The following PLEKHM3 variants were observed in gnomAD, a reference collection of about 807,000 sequenced individuals.
The protein encoded by PLEKHM3 is pleckstrin homology domain-containing family M member 3.
Under a neutral mutation model 81.8 loss-of-function variants are expected in PLEKHM3, and 45 were observed. The ratio of observed to expected loss-of-function variants is 0.55; its 90% CI spans 0.43 to 0.71. The LOEUF is 0.71. Ranked by LOEUF, PLEKHM3 falls within the 30% of genes least tolerant of loss-of-function variation. The pLI is 0.00. For missense variants in PLEKHM3, 788 were observed against 924.3 expected (o/e 0.85, Z 1.91); for synonymous variants, 352 against 356.4 (o/e 0.99, Z 0.14).
chr2:207,834,211 T>A (rs2092304690), intron 7 of PLEKHM3, among the ~76,000 whole-genome samples: 2 of 149,602 alleles, frequency 1.3e-5, no homozygotes, highest in African/African-American at 4.9e-5. Flanking sequence ...CTCACCACAA[T>A]CTCCACCTCC....
At chr2:207,874,854 T>A (rs1175039986) in intron 6 of PLEKHM3, among the ~76,000 whole-genome samples, 1 of 152,084 alleles carries the variant, frequency 6.6e-6, no homozygotes, top group East Asian at 2.0e-4. Flanking sequence ...CCTCCCAAAG[T>A]GATGAGATTA....
chr2:207,910,845 G>A (rs1005637188), intron 5 of PLEKHM3, among the ~76,000 whole-genome samples: 11 of 152,072 alleles, frequency 7.2e-5, no homozygotes, highest in Admixed American at 2.6e-4. Flanking sequence ...GCAGACAAGC[G>A]GACAGTGAAA....
chr2:207,987,586 G>A (rs1293638321), intron 2 of PLEKHM3, among the ~76,000 whole-genome samples: 1 of 152,208 alleles, frequency 6.6e-6, no homozygotes, highest in Non-Finnish European at 1.5e-5. Context: ...GTAATAATAT[G>A]AGTTATGCAT....
At chr2:207,921,169 C>A (rs1401035907) in intron 5 of PLEKHM3, among the ~76,000 whole-genome samples, 1 of 152,134 alleles carries the variant, frequency 6.6e-6, no homozygotes, top group Non-Finnish European at 1.5e-5. Context: ...CTGCCTCAGC[C>A]TCTTGAGTAG....
chr2:208,014,217 C>G (rs756476811), intron 1 of PLEKHM3, among the ~76,000 whole-genome samples: 9 of 152,174 alleles, frequency 5.9e-5, no homozygotes, highest in Non-Finnish European at 1.2e-4. Flanking sequence ...CTCTGACCCT[C>G]AAAGATAAGC....
At chr2:207,970,069 G>A (rs1691059218) in intron 3 of PLEKHM3, among the ~76,000 whole-genome samples, 1 of 152,010 alleles carries the variant, frequency 6.6e-6, no homozygotes, top group Non-Finnish European at 1.5e-5. Flanking sequence ...ACGGGGAGAG[G>A]AAGTTAGCTA....
intron 3 of PLEKHM3, among the ~76,000 whole-genome samples, chr2:207,949,390 A>G (rs556244799): frequency 5.1e-4 from 78 of 152,266 alleles, no homozygotes; most frequent in African/African-American, 1.9e-3. Context: ...TCTACAAAAA[A>G]ATTAGTGAGG....
At chr2:207,997,039 A>G (rs946762427) in intron 2 of PLEKHM3, among the ~76,000 whole-genome samples, 1 of 151,832 alleles carries the variant, frequency 6.6e-6, no homozygotes, top group African/African-American at 2.4e-5. Flanking sequence ...GCGGGTACAG[A>G]GTGATTAAGA....
chr2:207,913,905 T>C (rs1688893234), intron 5 of PLEKHM3, among the ~76,000 whole-genome samples: 1 of 151,098 alleles, frequency 6.6e-6, no homozygotes, highest in Non-Finnish European at 1.5e-5. Context: ...ATACACACAT[T>C]TGCACATGTG....
Position 207,826,196 on chromosome 2 carries a change from T to C in PLEKHM3, c.*2123A>G, listed in dbSNP as rs1380592380. On this transcript the variant is annotated 3_prime_UTR_variant, in exon 8 of 8. Transcript: ENST00000427836. ...GGCGGAGGGAGAAGGCACTTTGCCA[T>C]GGGAGCACATCTGTTTTATAATAAG... is the stretch of plus-strand genomic sequence containing the variant. 2 of 152,236 alleles carry C rather than the reference T, an allele frequency of 1.3e-5. No homozygotes were observed. Among genetic ancestry groups the C allele is most frequent in the Non-Finnish European group, 2.9e-5 (2 of 68,054 alleles). The allele number at this position is 152,236 out of a possible 1,614,324, so 9.4% of individuals were successfully genotyped here. A position where few individuals can be genotyped will look rare whatever the true frequency, so the allele number is the denominator to read the frequency against.
chr2:207,853,058 C>T (rs1049726898), intron 7 of PLEKHM3, among the ~76,000 whole-genome samples: 2 of 152,154 alleles, frequency 1.3e-5, no homozygotes, highest in African/African-American at 2.4e-5. Context: ...ATAAACTCAA[C>T]TATTTGTGAG....
chr2:207,831,668 G>A (rs1348993446), intron 7 of PLEKHM3, among the ~76,000 whole-genome samples: 10 of 152,134 alleles, frequency 6.6e-5, no homozygotes, highest in African/African-American at 2.2e-4. Flanking sequence ...TCTAGTACCC[G>A]TCTCCTTGAC....
intron 6 of PLEKHM3, among the ~76,000 whole-genome samples, chr2:207,882,854 T>C (rs987018362): frequency 1.1e-4 from 17 of 152,044 alleles, no homozygotes; most frequent in Non-Finnish European, 2.5e-4. Flanking sequence ...TTTCCCGAGA[T>C]TCTCGTGCCT....
Position 207,862,394 on chromosome 2 carries a change from T to C in PLEKHM3, c.1951-1132A>G, listed in dbSNP as rs142103349. 2.9e-3 allele frequency among the ~76,000 whole-genome samples: 430 copies of C among 149,084 alleles called. 5 individuals are homozygous for C. Among genetic ancestry groups the C allele is most frequent in the African/African-American group, 9.9e-3 (408 of 41,346 alleles). On this transcript the variant is annotated intron_variant, in intron 6 of 7. Transcript: ENST00000427836. The stretch of plus-strand genomic sequence containing the variant: ...GCTCACGCTTGCAATCCCAGCACTT[T>C]GGGAGGCTGAGGCAGACAGATTGCC...
At chr2:208,019,394 C>G (rs1214300647) in intron 1 of PLEKHM3, among the ~76,000 whole-genome samples, 1 of 152,064 alleles carries the variant, frequency 6.6e-6, no homozygotes, top group East Asian at 1.9e-4. Flanking sequence ...CACCATCACC[C>G]TCATCTTCTT....
At chr2:207,965,560 T>G (rs1055149953) in intron 3 of PLEKHM3, among the ~76,000 whole-genome samples, 4 of 152,200 alleles carry the variant, frequency 2.6e-5, no homozygotes, top group Non-Finnish European at 5.9e-5. Flanking sequence ...AAAGCAAATT[T>G]ATATCCTATA....
At chr2:207,928,057 C>T (rs528652741) in intron 5 of PLEKHM3, among the ~76,000 whole-genome samples, 58 of 152,100 alleles carry the variant, frequency 3.8e-4, no homozygotes, top group Non-Finnish European at 5.9e-4. Context: ...CCTCAAAAGC[C>T]GTAAAAGTAC....
At chr2:207,884,052 A>C (rs1292601358) in intron 6 of PLEKHM3, among the ~76,000 whole-genome samples, 1 of 152,100 alleles carries the variant, frequency 6.6e-6, no homozygotes, top group African/African-American at 2.4e-5. Flanking sequence ...TAATCGCAGC[A>C]CTTTGGGAGG....
intron 6 of PLEKHM3, among the ~76,000 whole-genome samples, chr2:207,867,625 T>G (rs547561151): frequency 2.5e-4 from 38 of 152,046 alleles, no homozygotes; most frequent in Non-Finnish European, 4.6e-4. Context: ...AAAGCATACA[T>G]ACATAGACAC....
Sources: allele counts gnomAD v4.1 joint callset (sites outside exome capture counted in the v4.1 genomes callset), GRCh38; gene constraint gnomAD v4.1.1; transcripts MANE v1.5; gene names NCBI Gene and HGNC (gene_info 2026-07-23, HGNC 2026-07-21).